Variants in SPATA13 observed in about 807,000 individuals in gnomAD.
SPATA13 encodes spermatogenesis associated 13, also known as spermatogenesis-associated protein 13.
A neutral mutation model predicts 104.0 loss-of-function variants in SPATA13; 50 were observed. The ratio of observed to expected loss-of-function variants is 0.48; its 90% CI spans 0.38 to 0.61. SPATA13 has a LOEUF of 0.61. SPATA13 is among the 20% of genes least tolerant of loss of function. The pLI, the probability that SPATA13 is intolerant of heterozygous loss-of-function variation, is 0.00. For synonymous variants in SPATA13, 606 were observed against 667.5 expected (o/e 0.91, Z 1.42); for missense variants, 1,524 against 1,690.6 (o/e 0.90, Z 1.73).
intron 2 of SPATA13, among the ~76,000 whole-genome samples, chr13:24,225,491 A>C (rs548177881): frequency 1.6e-4 from 25 of 152,364 alleles, no homozygotes; most frequent in African/African-American, 6.0e-4. Context: ...CTGGGCTCCC[A>C]GAAGGGCCAC....
chr13:24,100,818 C>G (rs1203471627), intron 3 of SPATA13, among the ~76,000 whole-genome samples: 7 of 152,214 alleles, frequency 4.6e-5, no homozygotes, highest in African/African-American at 1.7e-4. Context: ...CATTTCACTG[C>G]ACATCTTCAT....
At chr13:24,114,229 AGAACAATTGATATTCCTCTTTGT>A (rs1457730368) in intron 3 of SPATA13, among the ~76,000 whole-genome samples, 5 of 152,394 alleles carry the variant, frequency 3.3e-5, no homozygotes, top group Admixed American at 3.3e-4. Flanking sequence ...AGCCTACAAA[AGAACAATTGATATTCCTCTTTGT>A]GGGGGTCTGT....
At chr13:24,070,126 G>A (rs780356127) in intron 3 of SPATA13, among the ~76,000 whole-genome samples, 5 of 152,230 alleles carry the variant, frequency 3.3e-5, no homozygotes, top group Non-Finnish European at 7.3e-5. Flanking sequence ...TTGGAGTACA[G>A]AGTTCAGGAG....
At chr13:23,996,305 C>T (rs2137666268) in intron 2 of SPATA13, among the ~76,000 whole-genome samples, 1 of 152,210 alleles carries the variant, frequency 6.6e-6, no homozygotes, top group East Asian at 1.9e-4. Flanking sequence ...AAGAAAAGAT[C>T]TAACTCTTCG....
At chr13:24,183,058 A>G (rs1053896000) in intron 1 of SPATA13, among the ~76,000 whole-genome samples, 4 of 152,214 alleles carry the variant, frequency 2.6e-5, no homozygotes, top group Admixed American at 2.0e-4. Context: ...CTTGCCAGAA[A>G]AGATATAGAG....
At chr13:24,123,156 T>C (rs1881095938) in intron 3 of SPATA13, 1 of 1,145,142 alleles carries the variant, frequency 8.7e-7, no homozygotes, top group Non-Finnish European at 1.3e-6. Flanking sequence ...TCTGATAATA[T>C]GAAGAAGAGC....
Position 24,083,862 on chromosome 13 carries a change from A to T in SPATA13, c.-112+66161A>T, listed in dbSNP as rs186705650. Among the ~76,000 whole-genome samples, 105 of 151,960 alleles carry T rather than the reference A, an allele frequency of 6.9e-4. 1 individual carries two copies. Among genetic ancestry groups the T allele is most frequent in the African/African-American group, 2.5e-3 (103 of 41,282 alleles). On this transcript the variant is annotated intron_variant, in intron 3 of 14. Transcript: ENST00000424834. ...TGCTCCTTCCCTTGTCACTGGGGGA[A>T]AAAACCCCCGTCTGGAGATGCAGGT...
At chr13:24,000,934 G>A (rs1343278946) in intron 2 of SPATA13, among the ~76,000 whole-genome samples, 1 of 152,086 alleles carries the variant, frequency 6.6e-6, no homozygotes, top group Non-Finnish European at 1.5e-5. Context: ...TGTGAATTTG[G>A]GACTGGACAG....
intron 3 of SPATA13, among the ~76,000 whole-genome samples, chr13:24,098,652 G>T (rs1335673653): frequency 6.6e-6 from 1 of 151,804 alleles, no homozygotes; most frequent in Non-Finnish European, 1.5e-5. Flanking sequence ...GAAAGGGCCG[G>T]ATGTGGTGGT....
At chr13:23,984,434 G>A (rs1474667507) in intron 2 of SPATA13, among the ~76,000 whole-genome samples, 1 of 152,152 alleles carries the variant, frequency 6.6e-6, no homozygotes, top group Non-Finnish European at 1.5e-5. Flanking sequence ...TTGCTTCTTG[G>A]CTCTTCTCTG....
At chr13:24,083,416 G>A (rs1474589085) in intron 3 of SPATA13, among the ~76,000 whole-genome samples, 1 of 152,184 alleles carries the variant, frequency 6.6e-6, no homozygotes, top group Non-Finnish European at 1.5e-5. Context: ...GCAGAGTCAA[G>A]GAGGGCAGGC....
intron 4 of SPATA13, among the ~76,000 whole-genome samples, chr13:24,282,079 G>T (rs535502380): frequency 6.6e-6 from 1 of 152,006 alleles, no homozygotes; most frequent in Non-Finnish European, 1.5e-5. Flanking sequence ...TACAGAATTG[G>T]TTGCTTGTGA....
intron 3 of SPATA13, among the ~76,000 whole-genome samples, chr13:24,119,326 G>T (rs1363331335): frequency 6.6e-6 from 1 of 152,086 alleles, no homozygotes; most frequent in Non-Finnish European, 1.5e-5. Context: ...GGGTACTTGA[G>T]CCATGTTCCC....
At chr13:24,168,544 C>G in intron 1 of SPATA13, among the ~76,000 whole-genome samples, 1 of 151,822 alleles carries the variant, frequency 6.6e-6, no homozygotes, top group East Asian at 1.9e-4. Flanking sequence ...AACTCTACCG[C>G]TGGGGAAACT....
Position 24,251,701 on chromosome 13 carries a change from T to C in SPATA13, c.2020-17T>C, listed in dbSNP as rs773547345. The C allele has an allele frequency of 6.2e-7, 1 of 1,613,098 alleles. No individual in the cohort carries two copies. The highest frequency in any genetic ancestry group is 8.5e-7 in the Non-Finnish European group (1 of 1,179,282). On this transcript the variant is annotated splice_polypyrimidine_tract_variant and intron_variant, in intron 3 of 12. Transcript: ENST00000382108. Reference sequence around the variant, plus strand: ...ACTTCCTGGTACCTCCTCACAGATTTTGCTTTCTTTTTGCAGCCGGCTTCC... The same window carrying C: ...ACTTCCTGGTACCTCCTCACAGATTCTGCTTTCTTTTTGCAGCCGGCTTCC...
chr13:24,298,781 G>T (rs1876971929), intron 11 of SPATA13, among the ~76,000 whole-genome samples: 1 of 152,156 alleles, frequency 6.6e-6, no homozygotes, highest in African/African-American at 2.4e-5. Flanking sequence ...ACAGAATTTG[G>T]TCTCACCCAC....
chr13:24,294,153 G>A (rs547807445), intron 9 of SPATA13, among the ~76,000 whole-genome samples: 17 of 152,302 alleles, frequency 1.1e-4, no homozygotes, highest in African/African-American at 3.8e-4. Context: ...GCCCTCCTGG[G>A]GAGAACATTT....
intron 2 of SPATA13, among the ~76,000 whole-genome samples, chr13:24,227,858 C>T (rs1872033466): frequency 6.6e-6 from 1 of 152,086 alleles, no homozygotes; most frequent in East Asian, 1.9e-4. Flanking sequence ...GTGTGAGCCA[C>T]CACGCCCGGC....
chr13:24,285,474 A>G (rs546089208), intron 5 of SPATA13, among the ~76,000 whole-genome samples: 31 of 152,226 alleles, frequency 2.0e-4, no homozygotes, highest in South Asian at 4.2e-4. Flanking sequence ...GTGAGCAGCT[A>G]GTACTTTTTT....
Sources: allele counts gnomAD v4.1 joint callset (sites outside exome capture counted in the v4.1 genomes callset), GRCh38; gene constraint gnomAD v4.1.1; transcripts MANE v1.5; gene names NCBI Gene and HGNC (gene_info 2026-07-23, HGNC 2026-07-21).